ZNF143: variants seen among roughly 807,000 people sequenced by gnomAD.
ZNF143 encodes the protein zinc finger protein 143, also known as SPH-binding factor.
A neutral mutation model predicts 74.1 loss-of-function variants in ZNF143; 49 were observed. The ratio of observed to expected loss-of-function variants is 0.66; its 90% CI spans 0.53 to 0.84. ZNF143 has a LOEUF of 0.84. Among genes scored for constraint, ZNF143 ranks in the 40% least tolerant of loss-of-function variants. The pLI is 0.00. For missense variants in ZNF143, 637 were observed against 793.4 expected, an observed-to-expected ratio of 0.80 and a Z score of 2.37; for synonymous variants, 304 against 282.8, an observed-to-expected ratio of 1.07 and a Z score of -0.75.
rs1849082032 is a variant in ZNF143, at chr11:9,525,245, A to C, written c.1692A>C (p.Ala564=). 2 of 1,614,124 alleles carry C rather than the reference A, an allele frequency of 1.2e-6. No homozygotes were observed. The highest frequency in any genetic ancestry group is 1.7e-6 in the Non-Finnish European group (2 of 1,180,012). ...TAEGTEGEQV[A]IVAQDLAAFH... ...TTTGTTTTGTTTTGCTTAAGGTTGC[A>C]ATTGTAGCTCAAGACTTGGCAGCAT... Residue 564 remains alanine (A), a synonymous_variant, in exon 15 of 16, where the codon GCA becomes GCC. Transcript: ENST00000396602.
intron 11 of ZNF143, among the ~76,000 whole-genome samples, chr11:9,506,156 C>A (rs1848357490): frequency 6.6e-6 from 1 of 152,054 alleles, no homozygotes; most frequent in Admixed American, 6.6e-5. Flanking sequence ...CATGGCGAAA[C>A]CAATTCTCTA....
intron 11 of ZNF143, among the ~76,000 whole-genome samples, chr11:9,504,588 G>T (rs1436852174): frequency 8.0e-6 from 1 of 124,256 alleles, no homozygotes; most frequent in African/African-American, 2.6e-5. Context: ...AGTTTTATAA[G>T]AAAAATTTTA....
chr11:9,498,061 A>G (rs1416662137), intron 10 of ZNF143, among the ~76,000 whole-genome samples: 1 of 151,372 alleles, frequency 6.6e-6, no homozygotes, highest in African/African-American at 2.4e-5. Flanking sequence ...CAATCTTCTG[A>G]CCTCGTGATC....
chr11:9,527,625 A>G lies in ZNF143; in HGVS notation c.*12A>G. The G allele has an allele frequency of 6.2e-7, 1 of 1,611,096 alleles. No individual in the cohort carries two copies. Among genetic ancestry groups the G allele is most frequent in the South Asian group, 1.1e-5 (1 of 90,960 alleles). On this transcript the variant is annotated 3_prime_UTR_variant, in exon 16 of 16. Transcript: ENST00000396602. The stretch of plus-strand genomic sequence containing the variant: ...GGTTGGATGATTAATCCTCAGAACA[A>G]TGGAGCAATAAAGCAGAAGGAGTCT...
intron 5 of ZNF143, among the ~76,000 whole-genome samples, chr11:9,477,147 CT>C (rs1856960886): frequency 7.8e-6 from 1 of 127,506 alleles, no homozygotes; most frequent in African/African-American, 2.9e-5. Flanking sequence ...TCCTTCCTTC[CT>C]TCCTTCCTTC....
rs1033167573 is a variant in ZNF143, at chr11:9,466,380, A to G, written c.-7-4922A>G. On this transcript the variant is annotated intron_variant, in intron 1 of 15. Coordinates refer to ENST00000396602, the MANE Select transcript of ZNF143 (RefSeq NM_003442.6). The stretch of plus-strand genomic sequence containing the variant: ...ATGTGATCTCGGCTCACTGCAACCT[A>G]CGTCTCCCGGATTCAAGCGATTCTC... Among the ~76,000 whole-genome samples the G allele has an allele frequency of 4.0e-5, 6 of 148,276 alleles. No individual in the cohort carries two copies. In the East Asian group the frequency reaches 8.1e-4, roughly 20 times the overall value.
intron 7 of ZNF143, among the ~76,000 whole-genome samples, chr11:9,486,339 T>C: frequency 1.2e-5 from 1 of 84,548 alleles, no homozygotes; most frequent in South Asian, 3.0e-4. Flanking sequence ...GCGCTAATTA[T>C]ATTATATATA....
chr11:9,479,221 T>G (rs965465007), intron 6 of ZNF143, among the ~76,000 whole-genome samples: 5 of 151,968 alleles, frequency 3.3e-5, no homozygotes, highest in African/African-American at 4.8e-5. Flanking sequence ...TCCAGGCTGG[T>G]CTTGAACTCC....
At chr11:9,465,639 A>C (rs928887498) in intron 1 of ZNF143, among the ~76,000 whole-genome samples, 17 of 147,868 alleles carry the variant, frequency 1.1e-4, no homozygotes, top group African/African-American at 4.3e-4. Context: ...AGCTGGGACT[A>C]TAGGCGCCCG....
At chr11:9,461,143 G>T (rs2133788733) in intron 1 of ZNF143, 67 bp downstream of exon 1, 1 of 962,658 alleles carries the variant, frequency 1.0e-6, no homozygotes, top group Non-Finnish European at 1.2e-6. Flanking sequence ...CCTCAGCGCG[G>T]CGGCGCGGGC....
At chr11:9,483,763 T>G (rs1339078941) in intron 7 of ZNF143, among the ~76,000 whole-genome samples, 2 of 148,918 alleles carry the variant, frequency 1.3e-5, no homozygotes, top group Admixed American at 6.7e-5. Flanking sequence ...TTTTTTTTTT[T>G]TTTTTGAGAT....
chr11:9,481,294 A>G (rs1048964887), intron 7 of ZNF143, among the ~76,000 whole-genome samples: 2 of 152,198 alleles, frequency 1.3e-5, no homozygotes, highest in Non-Finnish European at 2.9e-5. Context: ...AGGCGAGGGC[A>G]GGAGGATCCC....
In ZNF143 at chr11:9,497,658, T is replaced by C; in HGVS notation, c.842-17T>C. The C allele has an allele frequency of 6.4e-7, 1 of 1,571,976 alleles. No individual in the cohort carries two copies. The highest frequency in any genetic ancestry group is 2.2e-5 in the East Asian group (1 of 44,548). ...GCAGTATTGTGTAATTAAATTTCTT[T>C]TAATTTTTTCTTAAAGGTTATGGAT... On this transcript the variant is annotated splice_polypyrimidine_tract_variant and intron_variant, in intron 9 of 15. Transcript: ENST00000396602.
At chr11:9,512,335 A>T (rs1011301359) in intron 12 of ZNF143, 113 bp from the exon 13 acceptor site, 1 of 1,376,318 alleles carries the variant, frequency 7.3e-7, no homozygotes, top group African/African-American at 1.5e-5. Flanking sequence ...GTGACTTAGA[A>T]TATAATACAT....
intron 11 of ZNF143, among the ~76,000 whole-genome samples, chr11:9,506,273 A>G (rs1041638735): frequency 7.9e-5 from 12 of 152,254 alleles, no homozygotes; most frequent in African/African-American, 2.9e-4. Flanking sequence ...TGGAGGTTGC[A>G]GTGAGTCGAG....
At chr11:9,496,239 G>A in intron 8 of ZNF143, 64 bp from the exon 9 acceptor site, 1 of 1,470,392 alleles carries the variant, frequency 6.8e-7, no homozygotes, top group Non-Finnish European at 9.5e-7. Flanking sequence ...GTAGTTCTGT[G>A]TTGCAACCAT....
chr11:9,486,887 C>G (rs1847577189), intron 7 of ZNF143, among the ~76,000 whole-genome samples: 1 of 148,118 alleles, frequency 6.8e-6, no homozygotes, highest in Non-Finnish European at 1.5e-5. Context: ...CCAGGATGGT[C>G]TTGATCTCCT....
intron 1 of ZNF143, among the ~76,000 whole-genome samples, chr11:9,470,929 A>G (rs375999489): frequency 6.6e-6 from 1 of 152,080 alleles, no homozygotes; most frequent in Non-Finnish European, 1.5e-5. Flanking sequence ...GATTCGGGGT[A>G]GATTTCTGAA....
intron 9 of ZNF143, among the ~76,000 whole-genome samples, chr11:9,497,081 C>T (rs950171720): frequency 6.6e-6 from 1 of 152,208 alleles, no homozygotes; most frequent in African/African-American, 2.4e-5. Context: ...ATTCTTCATT[C>T]CATGTCTTGA....
Sources: allele counts gnomAD v4.1 joint callset (sites outside exome capture counted in the v4.1 genomes callset), GRCh38; gene constraint gnomAD v4.1.1; transcripts MANE v1.5; gene names NCBI Gene and HGNC (gene_info 2026-07-23, HGNC 2026-07-21).